Variants in CREB5 observed in about 807,000 individuals in gnomAD.
CREB5 encodes the protein cAMP responsive element binding protein 5.
A neutral mutation model predicts 57.1 loss-of-function variants in CREB5; 19 were observed. The ratio of observed to expected loss-of-function variants is 0.33; its 90% confidence interval spans 0.23 to 0.49. The LOEUF is 0.49. Among genes scored for constraint, CREB5 ranks in the 20% least tolerant of loss-of-function variants. The pLI, the probability that CREB5 is intolerant of heterozygous loss-of-function variation, is 0.99. For synonymous variants in CREB5, 238 were observed against 238.3 expected (o/e 1.00, Z 0.01); for missense variants, 579 against 671.6 (o/e 0.86, Z 1.52).
intron 1 of CREB5, among the ~76,000 whole-genome samples, chr7:28,380,351 C>A (rs1354658989): frequency 1.3e-5 from 2 of 152,180 alleles, no homozygotes; most frequent in African/African-American, 4.8e-5. Context: ...TGCTCATCAA[C>A]CTTTGCTGCC....
At chr7:28,436,192 T>A (rs192456609) in intron 1 of CREB5, among the ~76,000 whole-genome samples, 2 of 152,250 alleles carry the variant, frequency 1.3e-5, no homozygotes, top group Admixed American at 6.5e-5. Flanking sequence ...TGATATGCCC[T>A]CTCCAGTAAA....
intron 5 of CREB5, among the ~76,000 whole-genome samples, chr7:28,577,248 T>C (rs1318315210): frequency 1.3e-5 from 2 of 152,190 alleles, no homozygotes; most frequent in African/African-American, 4.8e-5. Context: ...CTCTTTTCTG[T>C]CTCAAATTTA....
rs542524363 is a variant in CREB5 at position 28,821,623 on chromosome 7, C to G, written c.*2344C>G. ...AACAGTAACAGCTGAATGGTTTAATCTGACTGGCTTCCTAAGAAATGTTTA... is the reference window on the plus strand; with the variant it reads ...AACAGTAACAGCTGAATGGTTTAATGTGACTGGCTTCCTAAGAAATGTTTA... On this transcript the variant is annotated 3_prime_UTR_variant, in exon 11 of 11. Coordinates refer to ENST00000357727, the MANE Select transcript of CREB5 (RefSeq NM_182898.4). 6.6e-6 allele frequency: 1 copy of G among 152,150 alleles called. No individual in the cohort carries two copies. Among genetic ancestry groups the G allele is most frequent in the South Asian group, 2.1e-4 (1 of 4,820 alleles). The allele number at this position is 152,150 out of a possible 1,614,324, so 9.4% of individuals were successfully genotyped here. A position where few individuals can be genotyped will look rare whatever the true frequency, so the allele number is the denominator to read the frequency against.
chr7:28,700,605 C>T (rs988084108), intron 5 of CREB5, among the ~76,000 whole-genome samples: 2 of 152,140 alleles, frequency 1.3e-5, no homozygotes, highest in Admixed American at 1.3e-4. Flanking sequence ...GGACTAAAAT[C>T]GGCCCTCTGC....
chr7:28,590,375 G>T (rs1294473829), intron 5 of CREB5, among the ~76,000 whole-genome samples: 1 of 151,880 alleles, frequency 6.6e-6, no homozygotes, highest in Non-Finnish European at 1.5e-5. Flanking sequence ...CATGTCCTTT[G>T]TAGGGACATG....
At chr7:28,661,549 G>A (rs1482278215) in intron 5 of CREB5, among the ~76,000 whole-genome samples, 1 of 152,028 alleles carries the variant, frequency 6.6e-6, no homozygotes, top group East Asian at 1.9e-4. Context: ...TTTTCTCTGG[G>A]CTATGTGCAT....
At chr7:28,618,061 T>C (rs1797659080) in intron 5 of CREB5, among the ~76,000 whole-genome samples, 1 of 152,152 alleles carries the variant, frequency 6.6e-6, no homozygotes, top group Non-Finnish European at 1.5e-5. Context: ...ACATCGCTTC[T>C]AGGTGGAGGG....
At position 28,417,071 on chromosome 7, in the gene CREB5, A is replaced by G. The variant is rs1318892922; in HGVS notation, c.3+4154A>G. Among the ~76,000 whole-genome samples, 5 of 152,298 alleles carry G rather than the reference A, an allele frequency of 3.3e-5. No homozygotes were observed. The South Asian group carries it at 1.0e-3, about 32-fold the overall frequency. On this transcript the variant is annotated intron_variant, in intron 1 of 10. Transcript: ENST00000357727. Reference sequence around the variant, plus strand: ...AGACTGGAGGAGGGACGCAATTCCCAGAGAGCTGCCTTGAGCTTATTGTGC... The same window carrying G: ...AGACTGGAGGAGGGACGCAATTCCCGGAGAGCTGCCTTGAGCTTATTGTGC...
chr7:28,598,972 C>T (rs950763943), intron 5 of CREB5, among the ~76,000 whole-genome samples: 3 of 152,170 alleles, frequency 2.0e-5, no homozygotes, highest in African/African-American at 7.2e-5. Flanking sequence ...TTTCCCAACT[C>T]AGTATGTTCT....
At chr7:28,633,188 A>C (rs1798270327) in intron 5 of CREB5, among the ~76,000 whole-genome samples, 1 of 152,232 alleles carries the variant, frequency 6.6e-6, no homozygotes, top group South Asian at 2.1e-4. Context: ...ACAGTAATAA[A>C]TGCTAGAATG....
chr7:28,682,545 C>G (rs1280784486), intron 5 of CREB5, among the ~76,000 whole-genome samples: 1 of 152,170 alleles, frequency 6.6e-6, no homozygotes, highest in Admixed American at 6.5e-5. Context: ...ATAGTCATTA[C>G]AGCTTATTTA....
chr7:28,719,682 A>C (rs561928489), intron 6 of CREB5, among the ~76,000 whole-genome samples: 2 of 152,330 alleles, frequency 1.3e-5, no homozygotes, highest in Non-Finnish European at 2.9e-5. Context: ...TTACAGAGCT[A>C]ATAGGTGATG....
intron 1 of CREB5, among the ~76,000 whole-genome samples, chr7:28,399,404 C>A: frequency 7.6e-6 from 1 of 131,834 alleles, no homozygotes; most frequent in African/African-American, 3.0e-5. Context: ...TATTACAAAA[C>A]AGCATCATTC....
chr7:28,368,169 C>T (rs1359682212), intron 1 of CREB5, among the ~76,000 whole-genome samples: 1 of 152,172 alleles, frequency 6.6e-6, no homozygotes, highest in Admixed American at 6.5e-5. Context: ...CGCATGTTCT[C>T]ACTTATAAGT....
chr7:28,539,677 C>G (rs2128627164), intron 4 of CREB5, among the ~76,000 whole-genome samples: 1 of 152,246 alleles, frequency 6.6e-6, no homozygotes, highest in Non-Finnish European at 1.5e-5. Context: ...AGGTCTGCTC[C>G]CTAATCAGTA....
rs534168595 is a variant in CREB5, at chr7:28,380,629, G to A, written c.-25+81188G>A. The stretch of plus-strand genomic sequence containing the variant: ...GGGGTGGGTTGTGGGGAGGCAGTTC[G>A]GAGAAACTCTGACCCAGACTTGTAG... On this transcript the variant is annotated intron_variant, in intron 1 of 9. Transcript: ENST00000396299. 1.7e-4 allele frequency among the ~76,000 whole-genome samples: 26 copies of A among 152,258 alleles called. No individual in the cohort carries two copies. In the South Asian group the frequency reaches 5.4e-3, roughly 32 times the overall value.
chr7:28,471,307 C>G (rs762762772), intron 1 of CREB5, among the ~76,000 whole-genome samples: 2 of 152,132 alleles, frequency 1.3e-5, no homozygotes, highest in Admixed American at 1.3e-4. Flanking sequence ...CCAACGTTCC[C>G]AGCACCCTTT....
rs182627393 is a variant in CREB5, at chr7:28,469,349, A to G, written c.4-18826A>G. On this transcript the variant is annotated intron_variant, in intron 1 of 10. Transcript: ENST00000357727. ...TGAATCCTGTTGTGCCCTGGGGAAC[A>G]ACATAGAGACAGAGTGATGGCAAAG... 5.6e-3 allele frequency among the ~76,000 whole-genome samples: 857 copies of G among 152,362 alleles called. 9 individuals are homozygous for G. The highest frequency in any genetic ancestry group is 0.02 in the African/African-American group (816 of 41,584).
chr7:28,753,749 A>G (rs1425911137), intron 7 of CREB5, among the ~76,000 whole-genome samples: 1 of 152,188 alleles, frequency 6.6e-6, no homozygotes, highest in Non-Finnish European at 1.5e-5. Flanking sequence ...TGATGAAGTG[A>G]AATGATTAAA....
Sources: gnomAD v4.1 joint callset for allele counts (sites outside exome capture counted in the v4.1 genomes callset) on GRCh38, gnomAD v4.1.1 for gene constraint, MANE v1.5 for transcripts, NCBI Gene and HGNC (gene_info 2026-07-23, HGNC 2026-07-21) for gene names.